Variants in EGR3 observed in about 807,000 individuals in gnomAD.
EGR3 encodes early growth response 3, also known as early growth response protein 3.
Under a neutral mutation model 22.4 loss-of-function variants are expected in EGR3, and 4 were observed. The ratio of observed to expected loss-of-function variants is 0.18; its 90% CI spans 0.09 to 0.41. The LOEUF (loss-of-function observed/expected upper bound fraction) is 0.41. Among genes scored for constraint, EGR3 ranks in the 10% least tolerant of loss-of-function variants. The pLI is 1.00. For missense variants in EGR3, 315 were observed against 541.3 expected, an observed-to-expected ratio of 0.58 and a Z score of 4.15; for synonymous variants, 219 against 226.8, an observed-to-expected ratio of 0.97 and a Z score of 0.31.
In EGR3 at chr8:22,692,672, T is replaced by C; in HGVS notation, c.154+119A>G. 1 of 1,434,500 alleles carries C rather than the reference T, an allele frequency of 7.0e-7. No individual in the cohort carries two copies. Among genetic ancestry groups the C allele is most frequent in the Non-Finnish European group, 9.3e-7 (1 of 1,075,864 alleles). The allele number at this position is 1,434,500 out of a possible 1,614,324, so 88.9% of individuals were successfully genotyped here. ...CTCCATCCATTTATCTATCCACCCA[T>C]CCACCCATCCATCCATCCATCCATC... On this transcript the variant is annotated intron_variant, in intron 1 of 1. Transcript: ENST00000317216. This position sits in a 1 kb window ranked among gnomAD's most constrained non-coding sequence, Gnocchi z 6.2.
rs1157700589 is a variant in EGR3 at position 22,692,757 on chromosome 8, C to T, written c.154+34G>A. On this transcript the variant is annotated intron_variant, in intron 1 of 1. Transcript: ENST00000317216. The surrounding 1 kb of genome is among the most constrained non-coding windows in gnomAD (Gnocchi z 6.2). ...TCCTCCTCTTCCTCTCCCCTTCCTTCCTCGCTGCCTCGCCGCCTCCCCGCC... is the reference window on the plus strand; with the variant it reads ...TCCTCCTCTTCCTCTCCCCTTCCTTTCTCGCTGCCTCGCCGCCTCCCCGCC... The T allele has an allele frequency of 1.9e-6, 3 of 1,610,368 alleles. No individual in the cohort carries two copies. The highest frequency in any genetic ancestry group is 2.2e-5 in the East Asian group (1 of 44,782).
chr8:22,691,716 G>T, intron 1 of EGR3: 5 of 985,192 alleles, frequency 5.1e-6, no homozygotes, highest in Non-Finnish European at 6.0e-6. Flanking sequence ...CACACACAGC[G>T]CACAAGCCGC....
rs1022841664 is a variant in EGR3 at position 22,689,664 on chromosome 8, G to A, written c.*809C>T. On this transcript the variant is annotated 3_prime_UTR_variant, in exon 2 of 2. Transcript: ENST00000317216. ...ATCAAACTGCCCTGAGGCCTAAGAG[G>A]GAAGCGCTCAGAAAAGGAGGGGTTC... 1 of 152,632 alleles carries A rather than the reference G, an allele frequency of 6.6e-6. No homozygotes were observed. Among genetic ancestry groups the A allele is most frequent in the African/African-American group, 2.4e-5 (1 of 41,444 alleles). The allele number at this position is 152,632 out of a possible 1,614,324, so 9.5% of individuals were successfully genotyped here.
Position 22,690,314 on chromosome 8 carries a change from G to A in EGR3, c.*159C>T. 1.5e-6 allele frequency: 1 copy of A among 651,760 alleles called. No individual in the cohort carries two copies. Among genetic ancestry groups the A allele is most frequent in the Non-Finnish European group, 2.6e-6 (1 of 386,618 alleles). The allele number at this position is 651,760 out of a possible 1,614,324, so 40.4% of individuals were successfully genotyped here. On this transcript the variant is annotated 3_prime_UTR_variant, in exon 2 of 2. Transcript: ENST00000317216. ...CCCTGACCGCTGGCCGGCGTGAAAG[G>A]TTGGGAACCGGGGGCATCGAAGGGG...
chr8:22,691,441 G>T lies in EGR3; in HGVS notation c.196C>A (p.Pro66Thr). ...DIGLTNEKPN[P>T]ELSYSGSFQP... Reference sequence around the variant, plus strand: ...AAGGAGCCGGAGTAAGAGAGTTCCGGGTTGGGCTTCTCGTTGGTCAGACCG... The same window carrying T: ...AAGGAGCCGGAGTAAGAGAGTTCCGTGTTGGGCTTCTCGTTGGTCAGACCG... Residue 66 changes from proline to threonine, a missense_variant, in exon 2 of 2, where the codon CCG (proline) becomes ACG (threonine). Pro to Thr is a conservative substitution (Grantham distance 38). Transcript: ENST00000317216. The T allele has an allele frequency of 1.9e-6, 3 of 1,614,166 alleles. No homozygotes were observed. The highest frequency in any genetic ancestry group is 2.5e-6 in the Non-Finnish European group (3 of 1,180,026).
In EGR3 at chr8:22,688,096, A is replaced by G. The variant is rs1002610415; in HGVS notation, c.*2377T>C. 3.3e-5 allele frequency: 5 copies of G among 152,418 alleles called. 1 individual carries two copies. The highest frequency in any genetic ancestry group is 6.5e-5 in the Admixed American group (1 of 15,282). The allele number at this position is 152,418 out of a possible 1,614,324, so 9.4% of individuals were successfully genotyped here. ...ACCTGATTTTTTTCTCTCAGTTCAC[A>G]TAAGTTAGAGTGCATTTTCTTTTGT... On this transcript the variant is annotated 3_prime_UTR_variant, in exon 2 of 2. Transcript: ENST00000317216.
Position 22,692,367 on chromosome 8 carries a change from G to A in EGR3, c.154+424C>T, listed in dbSNP as rs1804001221. On this transcript the variant is annotated intron_variant, in intron 1 of 1. Transcript: ENST00000317216. This position sits in a 1 kb window ranked among gnomAD's most constrained non-coding sequence, Gnocchi z 6.2. ...CCCGGGTGGGAGGCTGAGGGAGTAA[G>A]GGGGGAGAGCGCGGGTGAAAAAGAC... 4.7e-6 allele frequency: 7 copies of A among 1,476,860 alleles called. No homozygotes were observed. Among genetic ancestry groups the A allele is most frequent in the Admixed American group, 2.5e-5 (1 of 39,842 alleles). The allele number at this position is 1,476,860 out of a possible 1,614,324, so 91.5% of individuals were successfully genotyped here.
rs1342286973 is a variant in EGR3 at position 22,692,608 on chromosome 8, C to A, written c.154+183G>T. On this transcript the variant is annotated intron_variant, in intron 1 of 1. Transcript: ENST00000317216. This position sits in a 1 kb window ranked among gnomAD's most constrained non-coding sequence, Gnocchi z 6.2. ...GGGCGGGAGGAGTGGGTGGGAAAAG[C>A]AACTCGCCCCCCGCAAAATTCCCAG... is the stretch of plus-strand genomic sequence containing the variant. 22 of 1,442,982 alleles carry A rather than the reference C, an allele frequency of 1.5e-5. No individual in the cohort carries two copies. The highest frequency in any genetic ancestry group is 5.1e-5 in the Admixed American group (2 of 39,500). The allele number at this position is 1,442,982 out of a possible 1,614,324, so 89.4% of individuals were successfully genotyped here.
At position 22,692,793 on chromosome 8, in the gene EGR3, G is replaced by C; in HGVS notation, c.152C>G (p.Thr51Arg). The part of the protein sequence containing the change: ...DSVVHYNQMA[T>R]ENVMDIGLTN... The stretch of plus-strand genomic sequence containing the variant: ...CGCCGCCTCCCCGCCGCCCTTACCT[G>C]TAGCCATCTGATTGTAATGGACTAC... Residue 51 changes from threonine (T) to arginine (R), a missense_variant and splice_region_variant, in exon 1 of 2, where the codon ACA becomes AGA. Transcript: ENST00000317216. This position sits in a 1 kb window ranked among gnomAD's most constrained non-coding sequence, Gnocchi z 6.2. The C allele has an allele frequency of 6.2e-7, 1 of 1,612,340 alleles. No individual in the cohort carries two copies. Among genetic ancestry groups the C allele is most frequent in the East Asian group, 2.2e-5 (1 of 44,812 alleles).
rs1280815666 is a variant in EGR3, at chr8:22,693,435, C to G, written c.-491G>C. 5.9e-6 allele frequency: 1 copy of G among 168,264 alleles called. No homozygotes were observed. Among genetic ancestry groups the G allele is most frequent in the Non-Finnish European group, 1.2e-5 (1 of 80,362 alleles). 10.4% of individuals were successfully genotyped at this position (168,264 alleles called of 1,614,324 possible). On this transcript the variant is annotated 5_prime_UTR_variant, in exon 1 of 2. Transcript: ENST00000317216. The stretch of plus-strand genomic sequence containing the variant: ...CTGCCGCCGCTGCTACCACCACCAC[C>G]AGCCCCGCCGCTTCCTAGCAAGCTC...
In EGR3 at chr8:22,692,924, C is replaced by G; in HGVS notation, c.21G>C (p.Glu7Asp). 2 of 1,612,594 alleles carry G rather than the reference C, an allele frequency of 1.2e-6. No homozygotes were observed. Among genetic ancestry groups the G allele is most frequent in the Non-Finnish European group, 1.7e-6 (2 of 1,179,704 alleles). Residue 7 changes from glutamate to aspartate, a missense_variant, in exon 1 of 2, where the codon GAG (glutamate) becomes GAC (aspartate). By Grantham distance (45) the Glu-to-Asp change is conservative. Coordinates refer to ENST00000317216, the MANE Select transcript of EGR3 (RefSeq NM_004430.3). The surrounding 1 kb of genome is among the most constrained non-coding windows in gnomAD (Gnocchi z 6.2). ...AACTGCTCATGGTCACCGGCAGCTTCTCGGCGAGTTTGCCGGTCATAGCAC... is the reference window on the plus strand; with the variant it reads ...AACTGCTCATGGTCACCGGCAGCTTGTCGGCGAGTTTGCCGGTCATAGCAC... MTGKLA[E>D]KLPVTMSSLL...
rs1803883891 is a variant in EGR3 at position 22,689,884 on chromosome 8, G to C, written c.*589C>G. 1 of 153,664 alleles carries C rather than the reference G, an allele frequency of 6.5e-6. No individual in the cohort carries two copies. The highest frequency in any genetic ancestry group is 2.4e-5 in the African/African-American group (1 of 41,472). The allele number at this position is 153,664 out of a possible 1,614,324, so 9.5% of individuals were successfully genotyped here. ...TTTGGGGTAAACACAGCCCAGTTCA[G>C]CTCAAGAGTCTTAAACACACACGCT... is the stretch of plus-strand genomic sequence containing the variant. On this transcript the variant is annotated 3_prime_UTR_variant, in exon 2 of 2. Coordinates refer to ENST00000317216, the MANE Select transcript of EGR3 (RefSeq NM_004430.3).
Position 22,690,369 on chromosome 8 carries a change from C to A in EGR3, c.*104G>T, listed in dbSNP as rs915137293. Reference sequence around the variant, plus strand: ...AAGGGGCCGCACGTCCATGGAGAGGCCAGGGCGCGGCCCCTACGCCTCCGT... The same window carrying A: ...AAGGGGCCGCACGTCCATGGAGAGGACAGGGCGCGGCCCCTACGCCTCCGT... On this transcript the variant is annotated 3_prime_UTR_variant, in exon 2 of 2. Transcript: ENST00000317216. 1 of 951,344 alleles carries A rather than the reference C, an allele frequency of 1.1e-6. No homozygotes were observed. The highest frequency in any genetic ancestry group is 1.6e-5 in the South Asian group (1 of 60,666). 58.9% of individuals were successfully genotyped at this position (951,344 alleles called of 1,614,324 possible). A position where few individuals can be genotyped will look rare whatever the true frequency, so the allele number is the denominator to read the frequency against.
rs528695544 is a variant in EGR3, at chr8:22,692,860, T to A, written c.85A>T (p.Ile29Phe). 5 of 1,612,520 alleles carry A rather than the reference T, an allele frequency of 3.1e-6. No homozygotes were observed. The South Asian group carries it at 3.3e-5, about 11-fold the overall frequency. ...GAGAAGAGGTTGAGCGCGCTGGGGA[T>A]CTCCTCGGGGTACAGATTGTCAGGC... is the stretch of plus-strand genomic sequence containing the variant. ...QLPDNLYPEE[I>F]PSALNLFSGS... The change falls in exon 1 of 2, where the codon ATC (isoleucine) becomes TTC (phenylalanine). Residue 29 changes from isoleucine to phenylalanine, a missense_variant. Physicochemically the swap from Ile to Phe is conservative, Grantham distance 21. Around this residue, in one of 4 missense-constraint regions of EGR3, gnomAD observed 227 missense variants for 303.6 expected, o/e 0.75. Transcript: ENST00000317216. The surrounding 1 kb of genome is among the most constrained non-coding windows in gnomAD (Gnocchi z 6.2).
rs2128744404 is a variant in EGR3 at position 22,688,644 on chromosome 8, A to AGTGACTTTAAAAACAGACATTT, written c.*1828_*1829insAAATGTCTGTTTTTAAAGTCAC. 1 of 152,790 alleles carries AGTGACTTTAAAAACAGACATTT rather than the reference A, an allele frequency of 6.5e-6. No individual in the cohort carries two copies. The highest frequency in any genetic ancestry group is 2.1e-4 in the South Asian group (1 of 4,830). The allele number at this position is 152,790 out of a possible 1,614,324, so 9.5% of individuals were successfully genotyped here. A position where few individuals can be genotyped will look rare whatever the true frequency, so the allele number is the denominator to read the frequency against. ...AAAGAAAAAAGTGGAAAACGCATAA[A>AGTGACTTTAAAAACAGACATTT]GTGACTTTAAAAACAGACATTCTGT... On this transcript the variant is annotated 3_prime_UTR_variant, in exon 2 of 2. Coordinates refer to ENST00000317216, the MANE Select transcript of EGR3 (RefSeq NM_004430.3).
At position 22,690,552 on chromosome 8, in the gene EGR3, T is replaced by C; in HGVS notation, c.1085A>G (p.Lys362Arg). 2 of 1,613,810 alleles carry C rather than the reference T, an allele frequency of 1.2e-6. No individual in the cohort carries two copies. Among genetic ancestry groups the C allele is most frequent in the Non-Finnish European group, 8.5e-7 (1 of 1,179,958 alleles). The change falls in exon 2 of 2, where the codon AAG becomes AGG. Residue 362 changes from lysine to arginine, a missense_variant. Around this residue, in one of 4 missense-constraint regions of EGR3, gnomAD observed 38 missense variants for 37.5 expected, o/e 1.01. Coordinates refer to ENST00000317216, the MANE Select transcript of EGR3 (RefSeq NM_004430.3). ...AKIHLKQKEK[K>R]AEKGGAPSAS... ...AGAGGGTGCACCGCCCTTCTCCGCC[T>C]TCTTCTCCTTTTGCTTGAGGTGGAT...
intron 1 of EGR3, 154 bp from the exon 2 acceptor site, chr8:22,691,636 C>T: frequency 1.0e-6 from 1 of 955,960 alleles, no homozygotes; most frequent in Non-Finnish European, 1.2e-6. Flanking sequence ...GCAAAGCGGG[C>T]GGTGCCGCGC....
chr8:22,692,545 TA>T lies in EGR3; in HGVS notation c.154+245del. 1 of 1,426,744 alleles carries T rather than the reference TA, an allele frequency of 7.0e-7. No homozygotes were observed. Among genetic ancestry groups the T allele is most frequent in the East Asian group, 2.5e-5 (1 of 39,428 alleles). The allele number at this position is 1,426,744 out of a possible 1,614,324, so 88.4% of individuals were successfully genotyped here. On this transcript the variant is annotated intron_variant, in intron 1 of 1. Transcript: ENST00000317216. The surrounding 1 kb of genome is among the most constrained non-coding windows in gnomAD (Gnocchi z 6.2). ...CCCCACCCGGGAGAACCGAAGCCTC[TA>T]CCGTGGCGTCGCCAACCTAGCCTTC...
chr8:22,691,605 A>C, intron 1 of EGR3, 123 bp from the exon 2 acceptor site: 2 of 1,456,956 alleles, frequency 1.4e-6, no homozygotes, highest in Non-Finnish European at 1.8e-6. Flanking sequence ...CGCATGGGGT[A>C]AGAGGAACGC....
Sources: gnomAD v4.1 joint callset for allele counts on GRCh38, gnomAD v4.1.1 for gene constraint, gnomAD v4.1.1 regional missense constraint, Gnocchi (gnomAD v3.1) non-coding constraint, MANE v1.5 for transcripts, NCBI Gene and HGNC (gene_info 2026-07-23, HGNC 2026-07-21) for gene names.